IMMP2L: variants seen among roughly 807,000 people sequenced by gnomAD.
IMMP2L encodes the protein mitochondrial inner membrane protease subunit 2.
In IMMP2L, 18 loss-of-function variants were observed where a neutral mutation model predicts 19.3. The observed-to-expected ratio is 0.93, with a 90% CI of 0.64 to 1.38. The LOEUF (loss-of-function observed/expected upper bound fraction) is 1.38. Ranked by LOEUF, IMMP2L falls within the 40% of genes most tolerant of loss-of-function variation. The pLI, the probability that IMMP2L is intolerant of heterozygous loss-of-function variation, is 0.00. For synonymous variants in IMMP2L, 76 were observed against 73.0 expected, an observed-to-expected ratio of 1.04 and a Z score of -0.21; for missense variants, 233 against 218.2, an observed-to-expected ratio of 1.07 and a Z score of -0.43.
At chr7:111,241,940 T>A (rs1400263899) in intron 3 of IMMP2L, among the ~76,000 whole-genome samples, 1 of 152,012 alleles carries the variant, frequency 6.6e-6, no homozygotes, top group African/African-American at 2.4e-5. Context: ...TGTTAAAGTT[T>A]AAAATGTCCT....
intron 3 of IMMP2L, among the ~76,000 whole-genome samples, chr7:111,178,650 C>T (rs1290560538): frequency 6.6e-6 from 1 of 152,100 alleles, no homozygotes; most frequent in African/African-American, 2.4e-5. Flanking sequence ...GTGTTCACAG[C>T]AACTTCACTA....
intron 3 of IMMP2L, among the ~76,000 whole-genome samples, chr7:111,172,330 C>G (rs184185225): frequency 6.6e-6 from 1 of 151,438 alleles, no homozygotes; most frequent in East Asian, 1.9e-4. Flanking sequence ...CTGGAACACT[C>G]TATGATTTCT....
rs117170864 is a variant in IMMP2L, at chr7:110,727,238, A to C, written c.409-63517T>G. Among the ~76,000 whole-genome samples, 2,243 of 152,084 alleles carry C rather than the reference A, an allele frequency of 0.015. 23 individuals are homozygous for C. Among genetic ancestry groups the C allele is most frequent in the Non-Finnish European group, 0.023 (1,557 of 67,998 alleles). The stretch of plus-strand genomic sequence containing the variant: ...CCACGTCTCTACTAAAAATACAAAA[A>C]AATGTAGTTGGGCAGGGTGGTGCAT... On this transcript the variant is annotated intron_variant, in intron 5 of 5. Coordinates refer to ENST00000405709, the MANE Select transcript of IMMP2L (RefSeq NM_032549.4). The surrounding 1 kb of genome is among the most constrained non-coding windows in gnomAD (Gnocchi z 4.3).
chr7:110,813,839 G>A (rs1431143814), intron 5 of IMMP2L, among the ~76,000 whole-genome samples: 1 of 151,212 alleles, frequency 6.6e-6, no homozygotes, highest in African/African-American at 2.4e-5. Flanking sequence ...AATTTGTAAA[G>A]TGCATTTTTT....
At chr7:111,009,658 T>G (rs931627214) in intron 3 of IMMP2L, among the ~76,000 whole-genome samples, 3 of 152,144 alleles carry the variant, frequency 2.0e-5, no homozygotes, top group African/African-American at 7.2e-5. Context: ...TTATTTTTTG[T>G]TTTTGTTTTC....
chr7:110,728,198 T>C lies in IMMP2L; in HGVS notation c.409-64477A>G, dbSNP rs186241949. ...TGCTTGTTGTTGTTGTTATCAATAT[T>C]ATTAATAATCTTAAAGGCGACTGGG... On this transcript the variant is annotated intron_variant, in intron 5 of 5. Coordinates refer to ENST00000405709, the MANE Select transcript of IMMP2L (RefSeq NM_032549.4). The surrounding 1 kb of genome is among the most constrained non-coding windows in gnomAD (Gnocchi z 4.6). Among the ~76,000 whole-genome samples, 18 of 152,320 alleles carry C rather than the reference T, an allele frequency of 1.2e-4. No homozygotes were observed. The highest frequency in any genetic ancestry group is 1.0e-3 in the Admixed American group (16 of 15,302).
chr7:111,450,091 C>G (rs1306368030), intron 3 of IMMP2L, among the ~76,000 whole-genome samples: 2 of 151,898 alleles, frequency 1.3e-5, no homozygotes, highest in Non-Finnish European at 2.9e-5. Flanking sequence ...ACATTCCATG[C>G]TCATGGGTAG....
intron 3 of IMMP2L, among the ~76,000 whole-genome samples, chr7:111,408,057 T>C (rs368198475): frequency 2.4e-4 from 37 of 152,010 alleles, no homozygotes; most frequent in Non-Finnish European, 4.3e-4. Context: ...CTCAAGGTCA[T>C]AGAACTAAAT....
At chr7:110,776,264 G>C (rs1309094891) in intron 5 of IMMP2L, among the ~76,000 whole-genome samples, 2 of 151,976 alleles carry the variant, frequency 1.3e-5, no homozygotes, top group Non-Finnish European at 2.9e-5. Context: ...CATTATTTCT[G>C]TACAACAGGG....
intron 3 of IMMP2L, among the ~76,000 whole-genome samples, chr7:111,389,311 G>A (rs1456689769): frequency 6.6e-6 from 1 of 152,094 alleles, no homozygotes; most frequent in African/African-American, 2.4e-5. Flanking sequence ...AGCCAGGGCA[G>A]CTAAATACAA....
At chr7:111,428,934 T>G (rs1836356230) in intron 3 of IMMP2L, among the ~76,000 whole-genome samples, 2 of 151,726 alleles carry the variant, frequency 1.3e-5, no homozygotes, top group Non-Finnish European at 2.9e-5. Context: ...AAAAATAAAA[T>G]ACACAGAGTT....
chr7:110,973,693 T>C (rs1003933674), intron 3 of IMMP2L, among the ~76,000 whole-genome samples: 4 of 152,158 alleles, frequency 2.6e-5, no homozygotes, highest in African/African-American at 9.6e-5. Flanking sequence ...GTGTTGTTCC[T>C]TGCAGGAAGC....
chr7:111,121,942 G>A lies in IMMP2L; in HGVS notation c.240-158377C>T, dbSNP rs1235597765. Among the ~76,000 whole-genome samples, 8 of 152,160 alleles carry A rather than the reference G, an allele frequency of 5.3e-5. No homozygotes were observed. The East Asian group carries it at 9.7e-4, about 18-fold the overall frequency. Reference sequence around the variant, plus strand: ...TGTCCTTTGTAGGGACATGGATGAAGCTGGAAATCATCATTCTCAGCAAAC... The same window carrying A: ...TGTCCTTTGTAGGGACATGGATGAAACTGGAAATCATCATTCTCAGCAAAC... On this transcript the variant is annotated intron_variant, in intron 3 of 5. Coordinates refer to ENST00000405709, the MANE Select transcript of IMMP2L (RefSeq NM_032549.4).
chr7:110,756,573 A>C (rs1460032737), intron 5 of IMMP2L, among the ~76,000 whole-genome samples: 1 of 152,070 alleles, frequency 6.6e-6, no homozygotes, highest in Non-Finnish European at 1.5e-5. Flanking sequence ...CAAGCACCGA[A>C]CCCTGAGAAT....
chr7:110,916,742 T>C (rs1427119943), intron 4 of IMMP2L, among the ~76,000 whole-genome samples: 2 of 152,254 alleles, frequency 1.3e-5, no homozygotes, highest in Non-Finnish European at 1.5e-5. Flanking sequence ...TAATTTTATA[T>C]TTCATAGTTT....
chr7:111,083,064 T>C (rs1051848556), intron 3 of IMMP2L, among the ~76,000 whole-genome samples: 2 of 152,298 alleles, frequency 1.3e-5, no homozygotes, highest in Non-Finnish European at 2.9e-5. Flanking sequence ...TTGCCTTTTG[T>C]AGTCTCAAAT....
intron 3 of IMMP2L, among the ~76,000 whole-genome samples, chr7:111,031,407 T>TGTGTGTGTGTGTGTGTAA (rs147571783): frequency 0.21 from 30,300 of 146,868 alleles, 3,513 homozygotes; most frequent in Non-Finnish European, 0.26. Flanking sequence ...TGTGTGTGTG[T>TGTGTGTGTGTGTGTGTAA]GAGAGAAAGA....
chr7:111,398,978 A>G (rs937808846), intron 3 of IMMP2L, among the ~76,000 whole-genome samples: 2 of 152,082 alleles, frequency 1.3e-5, no homozygotes, highest in African/African-American at 4.8e-5. Context: ...GAAATCACAG[A>G]TGACACAAAC....
chr7:110,918,689 C>T (rs753738816), intron 4 of IMMP2L, among the ~76,000 whole-genome samples: 1 of 151,500 alleles, frequency 6.6e-6, no homozygotes, highest in Middle Eastern at 3.2e-3. Flanking sequence ...CTCCTGACCT[C>T]ATGATCTGCC....
Sources: allele counts gnomAD v4.1 joint callset (sites outside exome capture counted in the v4.1 genomes callset), GRCh38; gene constraint gnomAD v4.1.1; non-coding constraint Gnocchi (gnomAD v3.1); transcripts MANE v1.5; gene names NCBI Gene and HGNC (gene_info 2026-07-23, HGNC 2026-07-21).